Variants in ZSCAN4 observed in about 807,000 individuals in gnomAD.
The protein encoded by ZSCAN4 is zinc finger and SCAN domain containing 4, also known as zinc finger and SCAN domain-containing protein 4.
ZSCAN4 carries 18 observed loss-of-function variants against 18.3 expected under a neutral mutation model. The ratio of observed to expected loss-of-function variants is 0.98; its 90% CI spans 0.68 to 1.46. ZSCAN4 has a LOEUF of 1.46. Ranked by LOEUF, ZSCAN4 falls within the 40% of genes most tolerant of loss-of-function variation. The probability of loss-of-function intolerance (pLI) is 0.00; values close to 1 mark genes in which losing one functional copy is unlikely to be tolerated. For missense variants in ZSCAN4, 498 were observed against 511.4 expected, an observed-to-expected ratio of 0.97 and a Z score of 0.25; for synonymous variants, 193 against 180.3, an observed-to-expected ratio of 1.07 and a Z score of -0.57.
chr19:57,671,265 C>A (rs752428821), intron 2 of ZSCAN4, among the ~76,000 whole-genome samples: 4 of 152,030 alleles, frequency 2.6e-5, no homozygotes, highest in African/African-American at 9.7e-5. Context: ...AGCATGCCTG[C>A]GTCACAGTTT....
At chr19:57,670,094 G>A (rs1983972739) in intron 1 of ZSCAN4, 151 bp from the exon 2 acceptor site, 1 of 152,124 alleles carries the variant, frequency 6.6e-6, no homozygotes, top group African/African-American at 2.4e-5. Context: ...GTAGAGAAAG[G>A]GTTTCACCAT....
At chr19:57,663,707 CAAAAA>C in the ZSCAN4 span, among the ~76,000 whole-genome samples, 4 of 87,806 alleles carry the variant, frequency 4.6e-5, no homozygotes, top group Non-Finnish European at 9.2e-5. Flanking sequence ...CAACCTGTCT[CAAAAA>C]AAAAAAAAAA....
chr19:57,661,353 C>T, the ZSCAN4 span, among the ~76,000 whole-genome samples: 2 of 152,154 alleles, frequency 1.3e-5, no homozygotes, highest in South Asian at 4.1e-4. Context: ...CCTTAACTCA[C>T]CTCTGCTTGA....
rs1434193230 is a variant in ZSCAN4, at chr19:57,678,453, G to C, written c.850G>C (p.Glu284Gln). 1.9e-6 allele frequency: 3 copies of C among 1,614,004 alleles called. No individual in the cohort carries two copies. In the African/African-American group the frequency reaches 4.0e-5, roughly 22 times the overall value. ...CTCTCAACCAGAGCAGTCCTCCCCT[G>C]AGTCTGCCCTTACCCACCAGAGCAA... is the stretch of plus-strand genomic sequence containing the variant. Residue 284 changes from glutamate to glutamine, a missense_variant, in exon 5 of 5, where the codon GAG becomes CAG. Transcript: ENST00000318203.
chr19:57,665,033 CT>C, upstream of ZSCAN4: 1 of 165,612 alleles, frequency 6.0e-6, no homozygotes, highest in Non-Finnish European at 1.4e-5. Context: ...GCAAAATAGG[CT>C]TTTAGCCAGC....
At chr19:57,662,053 C>T in the ZSCAN4 span, among the ~76,000 whole-genome samples, 1 of 149,182 alleles carries the variant, frequency 6.7e-6, no homozygotes, top group Non-Finnish European at 1.5e-5. Context: ...TACACTCCAG[C>T]CTGGCCAACA....
the ZSCAN4 span, among the ~76,000 whole-genome samples, chr19:57,656,639 T>G: frequency 6.6e-6 from 1 of 152,212 alleles, no homozygotes; most frequent in Non-Finnish European, 1.5e-5. Context: ...TTCACCCATA[T>G]ACCCCCTGTA....
upstream of ZSCAN4, among the ~76,000 whole-genome samples, chr19:57,667,876 GTTTT>G (rs199974719): frequency 0.19 from 28,035 of 148,372 alleles, 2,697 homozygotes; most frequent in East Asian, 0.26. Flanking sequence ...ATTTTTCATT[GTTTT>G]TTTTTTGTTT....
At chr19:57,676,445 C>T in exon 3 of ZSCAN4, 3 of 1,614,166 alleles carry the variant, frequency 1.9e-6, no homozygotes, top group Non-Finnish European at 2.5e-6. Context: ...ACTGCAATGA[C>T]AAAGCCAGTG....
chr19:57,655,339 C>G, the ZSCAN4 span, among the ~76,000 whole-genome samples: 2 of 152,148 alleles, frequency 1.3e-5, no homozygotes, highest in Non-Finnish European at 2.9e-5. Context: ...CTTTCAATGT[C>G]GCCAGCACTG....
At chr19:57,657,180 C>T in the ZSCAN4 span, among the ~76,000 whole-genome samples, 4 of 149,828 alleles carry the variant, frequency 2.7e-5, no homozygotes, top group East Asian at 4.0e-4. Context: ...TGCTTGAACC[C>T]GGGAGGCAGA....
At chr19:57,661,924 T>TA in the ZSCAN4 span, among the ~76,000 whole-genome samples, 1 of 151,686 alleles carries the variant, frequency 6.6e-6, no homozygotes, top group East Asian at 1.9e-4. Context: ...CTACTAAAAA[T>TA]AAAAAAATTA....
chr19:57,670,507 T>G (rs1364459722), exon 2 of ZSCAN4: 5 of 152,228 alleles, frequency 3.3e-5, no homozygotes, highest in Non-Finnish European at 7.3e-5. Context: ...AAACCCAGTG[T>G]GGAAAGCTAG....
exon 5 of ZSCAN4, chr19:57,678,732 T>A: frequency 6.2e-7 from 1 of 1,614,132 alleles, no homozygotes; most frequent in Non-Finnish European, 8.5e-7. Context: ...TAAAAAGTCC[T>A]TCAGCCACAA....
the ZSCAN4 span, among the ~76,000 whole-genome samples, chr19:57,662,369 T>G: frequency 1.3e-5 from 2 of 152,156 alleles, no homozygotes; most frequent in African/African-American, 4.8e-5. Flanking sequence ...GTAAAGTGAT[T>G]GATAACTTTC....
At chr19:57,678,439 A>G in exon 5 of ZSCAN4, 2 of 1,614,146 alleles carry the variant, frequency 1.2e-6, no homozygotes, top group South Asian at 1.1e-5. Context: ...TCTCAACCAG[A>G]GCAGTCCTCC....
chr19:57,671,543 A>G (rs1370063909), intron 2 of ZSCAN4, among the ~76,000 whole-genome samples: 1 of 152,018 alleles, frequency 6.6e-6, no homozygotes, highest in Non-Finnish European at 1.5e-5. Context: ...CCCTGGATAT[A>G]GAGAACCAGC....
At chr19:57,665,373 C>T (rs977628416), upstream of ZSCAN4, among the ~76,000 whole-genome samples, 10 of 152,170 alleles carry the variant, frequency 6.6e-5, no homozygotes, top group Non-Finnish European at 1.3e-4. Context: ...CTAAATCCCG[C>T]AGCACACCCC....
At chr19:57,660,414 T>G in the ZSCAN4 span, among the ~76,000 whole-genome samples, 2 of 152,232 alleles carry the variant, frequency 1.3e-5, 1 homozygote, top group South Asian at 4.1e-4. Flanking sequence ...GGTGCTGATA[T>G]GTGCATTTCT....
Sources: allele counts gnomAD v4.1 joint callset (sites outside exome capture counted in the v4.1 genomes callset), GRCh38; gene constraint gnomAD v4.1.1; transcripts MANE v1.5; gene names NCBI Gene and HGNC (gene_info 2026-07-23, HGNC 2026-07-21).